ZNF768: variants seen among roughly 807,000 people sequenced by gnomAD.
The protein encoded by ZNF768 is zinc finger protein 768.
A neutral mutation model predicts 39.7 loss-of-function variants in ZNF768; 12 were observed. The observed-to-expected ratio is 0.30, with a 90% CI of 0.19 to 0.49. The LOEUF (loss-of-function observed/expected upper bound fraction) is 0.49. Ranked by LOEUF, ZNF768 falls within the 20% of genes least tolerant of loss-of-function variation. The probability of loss-of-function intolerance (pLI) is 0.99; values close to 1 mark genes in which losing one functional copy is unlikely to be tolerated. For missense variants in ZNF768, 613 were observed against 723.2 expected, an observed-to-expected ratio of 0.85 and a Z score of 1.75; for synonymous variants, 360 against 288.4, an observed-to-expected ratio of 1.25 and a Z score of -2.52.
rs775019894 is a variant in ZNF768 at position 30,525,182 on chromosome 16, G to A, written c.958C>T (p.Pro320Ser). ...TCGGCGAAGGCCTTGCCGCAACGGG[G>A]ACATTTGTAGGGCCGCTCGCCAGTG... is the stretch of plus-strand genomic sequence containing the variant. ...THTGERPYKC[P>S]RCGKAFADSS... Residue 320 changes from proline (P) to serine (S), a missense_variant, in exon 2 of 2, where the codon CCC becomes TCC. By Grantham distance (74) the Pro-to-Ser change is moderately conservative (BLOSUM62 -1). Coordinates refer to ENST00000380412, the MANE Select transcript of ZNF768 (RefSeq NM_024671.4). The A allele has an allele frequency of 1.2e-6, 2 of 1,605,148 alleles. No homozygotes were observed. The highest frequency in any genetic ancestry group is 1.7e-6 in the Non-Finnish European group (2 of 1,176,760).
Position 30,526,419 on chromosome 16 carries a change from C to A in ZNF768, c.-6G>T, listed in dbSNP as rs774935692. On this transcript the variant is annotated 5_prime_UTR_variant, in exon 1 of 2. Coordinates refer to ENST00000380412, the MANE Select transcript of ZNF768 (RefSeq NM_024671.4). ...GGCAACGCCTCCCGCTCCATCCCCG[C>A]GGGCTCCCAGTGCAGCGGCGGCGGC... 2 of 1,575,890 alleles carry A rather than the reference C, an allele frequency of 1.3e-6. No homozygotes were observed. Among genetic ancestry groups the A allele is most frequent in the East Asian group, 2.5e-5 (1 of 39,560 alleles).
upstream of ZNF768, chr16:30,526,727 C>A: frequency 1.2e-6 from 1 of 845,330 alleles, no homozygotes; most frequent in Non-Finnish European, 1.4e-6. Flanking sequence ...CCCCCGCTCC[C>A]GCCCGAGCCC....
the ZNF768 span, chr16:30,532,278 C>G: frequency 1.6e-6 from 1 of 614,780 alleles, no homozygotes; most frequent in Admixed American, 2.9e-5. Context: ...GGGGTTCTCA[C>G]CTCAGCCCTG....
upstream of ZNF768, chr16:30,527,344 G>T (rs1480221446): frequency 3.1e-6 from 3 of 978,574 alleles, no homozygotes; most frequent in South Asian, 4.7e-5. Flanking sequence ...CTCCCTCCTC[G>T]AGGGCTAGGA....
At chr16:30,526,588 C>T (rs2051328141), upstream of ZNF768, 1 of 1,023,388 alleles carries the variant, frequency 9.8e-7, no homozygotes, top group Non-Finnish European at 1.2e-6. Context: ...CTCTCCAGCG[C>T]GCCGGGCCCC....
chr16:30,527,491 T>C (rs1002994276), upstream of ZNF768: 2 of 243,762 alleles, frequency 8.2e-6, no homozygotes, highest in South Asian at 1.5e-4. Flanking sequence ...TGGGCGTTAA[T>C]GGTCGCCAGG....
upstream of ZNF768, chr16:30,526,911 G>A: frequency 1.0e-6 from 1 of 985,528 alleles, no homozygotes; most frequent in Non-Finnish European, 1.2e-6. Flanking sequence ...TTAACCCTGG[G>A]CTGGAGGGGC....
Position 30,524,751 on chromosome 16 carries a change from G to C in ZNF768, c.1389C>G (p.Gly463=). 6.2e-7 allele frequency: 1 copy of C among 1,612,764 alleles called. No individual in the cohort carries two copies. The highest frequency in any genetic ancestry group is 8.5e-7 in the Non-Finnish European group (1 of 1,179,628). Residue 463 remains glycine (G), a synonymous_variant, in exon 2 of 2, where the codon GGC becomes GGG. Coordinates refer to ENST00000380412, the MANE Select transcript of ZNF768 (RefSeq NM_024671.4). ...PGRTYSCPDC[G]KTFNRSSTLI... ...GAGTGGAGGAGCGATTGAAGGTCTT[G>C]CCGCAGTCGGGGCAGCTGTAGGTGC...
chr16:30,525,477 C>A lies in ZNF768; in HGVS notation c.663G>T (p.Gly221=), dbSNP rs138236969. 9 of 1,614,118 alleles carry A rather than the reference C, an allele frequency of 5.6e-6. No individual in the cohort carries two copies. The highest frequency in any genetic ancestry group is 7.6e-6 in the Non-Finnish European group (9 of 1,180,030). The change falls in exon 2 of 2, where the codon GGG becomes GGT. Residue 221 remains glycine (G), a synonymous_variant. Transcript: ENST00000380412. ...PIGPPFEMPT[G]ALLSTPQFEM... ...CAAACTGCGGTGTAGACAGCAGGGC[C>A]CCTGTGGGCATCTCAAAAGGTGGCC...
At position 30,525,264 on chromosome 16, in the gene ZNF768, C is replaced by T. The variant is rs1443359323; in HGVS notation, c.876G>A (p.Glu292=). The change falls in exon 2 of 2, where the codon GAG becomes GAA. Residue 292 remains glutamate, a synonymous_variant. Transcript: ENST00000380412. ...TCTGGGAGAAGGCCTTGCTGCAGAC[C>T]TCACATTTGTAGGGCTTCTCACCGG... ...IHTGEKPYKC[E]VCSKAFSQSS... The T allele has an allele frequency of 2.5e-6, 4 of 1,613,928 alleles. No homozygotes were observed. Among genetic ancestry groups the T allele is most frequent in the Admixed American group, 1.7e-5 (1 of 59,994 alleles).
At chr16:30,526,969 T>C (rs1020479107), upstream of ZNF768, 16 of 985,198 alleles carry the variant, frequency 1.6e-5, no homozygotes, top group Non-Finnish European at 1.8e-5. Flanking sequence ...CCCGCGGGGC[T>C]ACCGGGGCAG....
rs1266213281 is a variant in ZNF768 at position 30,526,372 on chromosome 16, A to T, written c.42T>A (p.Asp14Glu). 6.2e-7 allele frequency: 1 copy of T among 1,602,524 alleles called. No individual in the cohort carries two copies. The highest frequency in any genetic ancestry group is 8.5e-7 in the Non-Finnish European group (1 of 1,175,484). The change falls in exon 1 of 2, where the codon GAT becomes GAA. Residue 14 changes from aspartate to glutamate, a missense_variant. Asp to Glu is a conservative substitution (Grantham distance 45). Transcript: ENST00000380412. ...TCCTCATTTCGTCAGAACTCTGCAC[A>T]TCCTGGGGCTCGAGGCCCCACGGCA... Reference protein sequence around the residue: ...EALPWGLEPQDVQSSDEMRSP... With the variant: ...EALPWGLEPQEVQSSDEMRSP...
upstream of ZNF768, chr16:30,527,098 G>A (rs56391383): frequency 0.39 from 386,390 of 985,122 alleles, 77,885 homozygotes; most frequent in African/African-American, 0.48. Flanking sequence ...CAAGGTCAGC[G>A]AGAAGGAGCG....
At chr16:30,530,229 G>A (rs529246762), upstream of ZNF768, 1 of 152,242 alleles carries the variant, frequency 6.6e-6, no homozygotes, top group South Asian at 2.1e-4. The surrounding 1 kb of genome is among the most constrained non-coding windows in gnomAD (Gnocchi z 4.4). Context: ...TGGGGCTAAG[G>A]CTTAAGGGTT....
At chr16:30,532,240 G>A in the ZNF768 span, 10 of 575,936 alleles carry the variant, frequency 1.7e-5, no homozygotes, top group Admixed American at 2.2e-4. Context: ...AGGAGAAACA[G>A]CTTTTGCTTC....
In ZNF768 at chr16:30,524,350, C is replaced by G. The variant is rs1175969919; in HGVS notation, c.*167G>C. The G allele has an allele frequency of 5.0e-6, 6 of 1,204,726 alleles. No individual in the cohort carries two copies. Among genetic ancestry groups the G allele is most frequent in the Middle Eastern group, 2.9e-4 (1 of 3,474 alleles). The allele number at this position is 1,204,726 out of a possible 1,614,324, so 74.6% of individuals were successfully genotyped here. A position where few individuals can be genotyped will look rare whatever the true frequency, so the allele number is the denominator to read the frequency against. On this transcript the variant is annotated 3_prime_UTR_variant, in exon 2 of 2. Coordinates refer to ENST00000380412, the MANE Select transcript of ZNF768 (RefSeq NM_024671.4). ...GCCTGGCCTCCCTCCAACCCACTTC[C>G]CACAAGTCTCCAGGGCATGTCACTT...
chr16:30,526,159 T>A, intron 1 of ZNF768, 108 bp from the exon 2 acceptor site: 1 of 1,499,892 alleles, frequency 6.7e-7, no homozygotes, highest in Non-Finnish European at 8.9e-7. Flanking sequence ...CCTAGACAAG[T>A]GCTGAAATTC....
chr16:30,524,525 G>A lies in ZNF768; in HGVS notation c.1615C>T (p.Arg539Trp), dbSNP rs751771047. Reference protein sequence around the residue: ...IRHQRTHAAGRR With the variant: ...IRHQRTHAAGWR Reference sequence around the variant, plus strand: ...CCTGCTGGGGCCCCAGGTCAGCGCCGGCCCGCCGCGTGGGTCCGCTGGTGG... The same window carrying A: ...CCTGCTGGGGCCCCAGGTCAGCGCCAGCCCGCCGCGTGGGTCCGCTGGTGG... Residue 539 changes from arginine to tryptophan, a missense_variant, in exon 2 of 2, where the codon CGG (arginine) becomes TGG (tryptophan). This residue lies in a region of ZNF768 where 204 missense variants were observed against 281.7 expected (regional missense o/e 0.72). Transcript: ENST00000380412. 2.8e-5 allele frequency: 45 copies of A among 1,607,230 alleles called. No individual in the cohort carries two copies. The South Asian group carries it at 4.8e-4, about 17-fold the overall frequency.
chr16:30,529,297 G>A (rs2051351274), upstream of ZNF768, among the ~76,000 whole-genome samples: 1 of 152,254 alleles, frequency 6.6e-6, no homozygotes, highest in African/African-American at 2.4e-5. Flanking sequence ...CTGCATCCAT[G>A]AGGATGAGCC....
Sources: gnomAD v4.1 joint callset for allele counts (sites outside exome capture counted in the v4.1 genomes callset) on GRCh38, gnomAD v4.1.1 for gene constraint, gnomAD v4.1.1 regional missense constraint, Gnocchi (gnomAD v3.1) non-coding constraint, MANE v1.5 for transcripts, NCBI Gene and HGNC (gene_info 2026-07-23, HGNC 2026-07-21) for gene names.